STPG2: variants seen among roughly 807,000 people sequenced by gnomAD.
STPG2 encodes the protein sperm-tail PG-rich repeat-containing protein 2.
Under a neutral mutation model 54.2 loss-of-function variants are expected in STPG2, and 56 were observed. That is an observed-to-expected ratio of 1.03 (90% CI 0.83 to 1.29). The LOEUF is 1.29. STPG2 is among the 50% of genes most tolerant of loss of function. The pLI is 0.00. For synonymous variants in STPG2, 200 were observed against 181.8 expected (o/e 1.10, Z -0.81); for missense variants, 596 against 544.9 (o/e 1.09, Z -0.93).
intron 8 of STPG2, among the ~76,000 whole-genome samples, chr4:97,898,810 A>G (rs1731057439): frequency 6.6e-6 from 1 of 151,772 alleles, no homozygotes; most frequent in Admixed American, 6.6e-5. Context: ...AAAAATGATG[A>G]GCAAAATTCG....
At chr4:97,890,570 CG>C (rs1024076028) in intron 8 of STPG2, among the ~76,000 whole-genome samples, 1 of 151,604 alleles carries the variant, frequency 6.6e-6, no homozygotes, top group African/African-American at 2.4e-5. Context: ...AAGTTGGTGA[CG>C]GGGTACAAAA....
chr4:98,001,417 C>A (rs1339591125), intron 5 of STPG2, among the ~76,000 whole-genome samples: 1 of 151,716 alleles, frequency 6.6e-6, no homozygotes, highest in Non-Finnish European at 1.5e-5. Context: ...TATTACTATG[C>A]AATGCAACGT....
rs776642821 is a variant in STPG2, at chr4:97,885,404, G to A, written c.1045-44472C>T. Among the ~76,000 whole-genome samples, 48 of 152,232 alleles carry A rather than the reference G, an allele frequency of 3.2e-4. 1 individual carries two copies. Among genetic ancestry groups the A allele is most frequent in the African/African-American group, 7.7e-4 (32 of 41,540 alleles). Reference sequence around the variant, plus strand: ...TTTACTTCCACTTTCTAAATATCACGTGTTACCATAGTCAAACTCTTACCT... The same window carrying A: ...TTTACTTCCACTTTCTAAATATCACATGTTACCATAGTCAAACTCTTACCT... On this transcript the variant is annotated intron_variant, in intron 8 of 10. Coordinates refer to ENST00000295268, the MANE Select transcript of STPG2 (RefSeq NM_174952.3).
At chr4:98,084,356 C>T (rs745334455) in intron 5 of STPG2, among the ~76,000 whole-genome samples, 3 of 152,138 alleles carry the variant, frequency 2.0e-5, no homozygotes, top group African/African-American at 7.2e-5. Context: ...CATTCCCCTA[C>T]TGATTAACAT....
chr4:97,456,045 CTAAAAT>C (rs1279899754), intron 4 of STPG2, among the ~76,000 whole-genome samples: 1 of 152,166 alleles, frequency 6.6e-6, no homozygotes, highest in Admixed American at 6.5e-5. Context: ...CTGAATTTCA[CTAAAAT>C]TAAAAACTTT....
intron 10 of STPG2, among the ~76,000 whole-genome samples, chr4:97,589,242 A>G (rs1733076146): frequency 6.6e-6 from 1 of 152,006 alleles, no homozygotes; most frequent in African/African-American, 2.4e-5. Flanking sequence ...AATCACCAAA[A>G]AAAAAACCAA....
intron 6 of STPG2, among the ~76,000 whole-genome samples, chr4:97,972,681 C>G (rs1036564805): frequency 6.6e-6 from 1 of 152,072 alleles, no homozygotes. Flanking sequence ...TTGTAATTCC[C>G]ACAATTCCAT....
At chr4:97,886,357 T>G (rs988058989) in intron 8 of STPG2, among the ~76,000 whole-genome samples, 2 of 152,168 alleles carry the variant, frequency 1.3e-5, no homozygotes, top group African/African-American at 4.8e-5. Flanking sequence ...CTAACATATT[T>G]AAGATAGTCA....
intron 10 of STPG2, among the ~76,000 whole-genome samples, chr4:97,571,954 A>G (rs566773324): frequency 2.2e-4 from 33 of 152,168 alleles, no homozygotes; most frequent in Non-Finnish European, 4.3e-4. Context: ...GTATATATCT[A>G]TGTTCTTCTT....
intron 9 of STPG2, among the ~76,000 whole-genome samples, chr4:97,819,238 C>G (rs892809626): frequency 6.6e-6 from 1 of 151,798 alleles, no homozygotes; most frequent in African/African-American, 2.4e-5. Flanking sequence ...GTTAACAGCA[C>G]TCAGCAAGAG....
chr4:98,064,832 A>G (rs1439672609), intron 5 of STPG2, among the ~76,000 whole-genome samples: 1 of 150,882 alleles, frequency 6.6e-6, no homozygotes, highest in Non-Finnish European at 1.5e-5. Context: ...TGACCTTATT[A>G]GATAACAAAA....
At chr4:97,650,548 G>A (rs992813701) in intron 10 of STPG2, among the ~76,000 whole-genome samples, 2 of 152,100 alleles carry the variant, frequency 1.3e-5, no homozygotes, top group South Asian at 2.1e-4. Flanking sequence ...ACAATTGGTC[G>A]AGTTTGTCTA....
chr4:97,462,696 T>C (rs1351590219), intron 4 of STPG2, among the ~76,000 whole-genome samples: 1 of 152,152 alleles, frequency 6.6e-6, no homozygotes, highest in African/African-American at 2.4e-5. Context: ...CAATAATTTG[T>C]TGCTGATAGC....
chr4:97,460,526 T>C (rs1729637093), intron 4 of STPG2, among the ~76,000 whole-genome samples: 1 of 152,206 alleles, frequency 6.6e-6, no homozygotes, highest in East Asian at 1.9e-4. Flanking sequence ...TCTTCTCCAT[T>C]TTCTTTCCTT....
chr4:97,500,311 G>A (rs1218386951), intron 4 of STPG2, among the ~76,000 whole-genome samples: 1 of 151,886 alleles, frequency 6.6e-6, no homozygotes, highest in Non-Finnish European at 1.5e-5. Context: ...AATTGAGATG[G>A]GGCAGAAAAT....
chr4:98,007,238 C>T (rs574792307), intron 5 of STPG2, among the ~76,000 whole-genome samples: 1 of 151,876 alleles, frequency 6.6e-6, no homozygotes, highest in South Asian at 2.1e-4. Context: ...AGAGGTCAGT[C>T]TACACAATCC....
At chr4:97,571,226 G>A (rs1018059153) in intron 10 of STPG2, among the ~76,000 whole-genome samples, 5 of 152,160 alleles carry the variant, frequency 3.3e-5, no homozygotes, top group Non-Finnish European at 5.9e-5. Context: ...CTGTAAATAT[G>A]TGAAATTCAA....
chr4:97,726,863 A>ACG (rs59673087), intron 9 of STPG2, among the ~76,000 whole-genome samples: 1 of 151,666 alleles, frequency 6.6e-6, no homozygotes, highest in African/African-American at 2.4e-5. Flanking sequence ...ACACACACAC[A>ACG]GAGAATATAC....
At chr4:98,103,570 G>A (rs931874428) in intron 5 of STPG2, among the ~76,000 whole-genome samples, 1 of 151,872 alleles carries the variant, frequency 6.6e-6, no homozygotes, top group African/African-American at 2.4e-5. Flanking sequence ...GAACCCAGGA[G>A]GCGGAGGTTG....
Sources: allele counts gnomAD v4.1 joint callset (sites outside exome capture counted in the v4.1 genomes callset), GRCh38; gene constraint gnomAD v4.1.1; transcripts MANE v1.5; gene names NCBI Gene and HGNC (gene_info 2026-07-23, HGNC 2026-07-21).